The following SUGCT variants were observed in gnomAD, a reference collection of about 807,000 sequenced individuals.
SUGCT encodes succinyl-CoA:glutarate CoA-transferase.
In SUGCT, 41 loss-of-function variants were observed where a neutral mutation model predicts 55.0. The observed-to-expected ratio is 0.74, with a 90% CI of 0.58 to 0.97. The LOEUF (loss-of-function observed/expected upper bound fraction) is 0.97. Ranked by LOEUF, SUGCT falls within the 50% of genes least tolerant of loss-of-function variation. The pLI is 0.00. For synonymous variants in SUGCT, 187 were observed against 200.4 expected (o/e 0.93, Z 0.56); for missense variants, 568 against 547.8 (o/e 1.04, Z -0.37).
At chr7:40,390,696 T>C (rs1785377652) in intron 9 of SUGCT, among the ~76,000 whole-genome samples, 2 of 152,076 alleles carry the variant, frequency 1.3e-5, no homozygotes, top group Non-Finnish European at 2.9e-5. Context: ...ATCATGAAAA[T>C]GGCGATACTG....
chr7:40,628,265 T>C (rs1165345981), intron 12 of SUGCT, among the ~76,000 whole-genome samples: 1 of 152,208 alleles, frequency 6.6e-6, no homozygotes. Context: ...ACTGCAAATG[T>C]TTTGTTGTTT....
intron 11 of SUGCT, among the ~76,000 whole-genome samples, chr7:40,484,611 T>C (rs1791231841): frequency 6.6e-6 from 1 of 152,204 alleles, no homozygotes. Context: ...AGCCTTCAGA[T>C]CCAGACATTG....
intron 12 of SUGCT, among the ~76,000 whole-genome samples, chr7:40,551,142 G>C (rs1377886731): frequency 6.6e-6 from 1 of 152,098 alleles, no homozygotes; most frequent in Admixed American, 6.5e-5. Flanking sequence ...GTTCTCCTAG[G>C]ACATCCTCCT....
chr7:40,899,644 G>T, the SUGCT span, among the ~76,000 whole-genome samples: 1 of 151,408 alleles, frequency 6.6e-6, no homozygotes, highest in Non-Finnish European at 1.5e-5. Context: ...AAACTTCCAG[G>T]ACTCTTTCCT....
intron 11 of SUGCT, among the ~76,000 whole-genome samples, chr7:40,473,386 GA>G (rs758791945): frequency 3.3e-5 from 5 of 152,144 alleles, no homozygotes; most frequent in Non-Finnish European, 7.4e-5. Flanking sequence ...AGTTGGATGT[GA>G]TATTTGATTG....
At chr7:40,913,535 G>T in the SUGCT span, among the ~76,000 whole-genome samples, 24,301 of 152,096 alleles carry the variant, frequency 0.16, 2,342 homozygotes, top group African/African-American at 0.28. Context: ...AAATTCCAGA[G>T]CATGTACTAC....
At chr7:40,471,928 G>A (rs1328012891) in intron 11 of SUGCT, among the ~76,000 whole-genome samples, 6 of 152,056 alleles carry the variant, frequency 3.9e-5, no homozygotes, top group East Asian at 1.9e-4. Flanking sequence ...AACTGAAAAC[G>A]TAAGGTCAAA....
rs1377099230 is a variant in SUGCT at position 40,377,136 on chromosome 7, TTCTTTC to T, written c.816+60283_816+60288del. ...GGAAATTTTCAGCCTTCCTCTTTCT[TTCTTTC>T]TTTCTTTCTTTCTTTCTTTCTTTCT... On this transcript the variant is annotated intron_variant, in intron 9 of 13. Coordinates refer to ENST00000335693, the MANE Select transcript of SUGCT (RefSeq NM_001193313.2). Among the ~76,000 whole-genome samples, 49 of 10,982 alleles carry T rather than the reference TTCTTTC, an allele frequency of 4.5e-3. 18 individuals are homozygous for T. Among genetic ancestry groups the T allele is most frequent in the African/African-American group, 8.9e-3 (49 of 5,516 alleles). 7.2% of individuals were successfully genotyped at this position (10,982 alleles called of 152,430 possible). A position where few individuals can be genotyped will look rare whatever the true frequency, so the allele number is the denominator to read the frequency against.
chr7:41,033,336 C>T, the SUGCT span, among the ~76,000 whole-genome samples: 8 of 152,160 alleles, frequency 5.3e-5, no homozygotes, highest in Non-Finnish European at 1.2e-4. Context: ...CACCCTAGTT[C>T]TCTTTTTTGT....
At chr7:40,867,782 T>G in the SUGCT span, among the ~76,000 whole-genome samples, 5 of 152,328 alleles carry the variant, frequency 3.3e-5, no homozygotes, top group South Asian at 4.1e-4. Flanking sequence ...CAATTAGAAG[T>G]GTTCGCTGCA....
chr7:40,908,583 A>T, the SUGCT span, among the ~76,000 whole-genome samples: 6 of 152,174 alleles, frequency 3.9e-5, no homozygotes, highest in African/African-American at 1.2e-4. Context: ...CAAATATATC[A>T]TAAGCTTTAA....
intron 9 of SUGCT, among the ~76,000 whole-genome samples, chr7:40,428,291 C>T (rs192367614): frequency 3.3e-4 from 50 of 152,194 alleles, no homozygotes; most frequent in East Asian, 2.7e-3. Flanking sequence ...CTGTTGTAGA[C>T]GGCATATAGT....
the SUGCT span, among the ~76,000 whole-genome samples, chr7:40,984,275 A>T: frequency 1.3e-5 from 2 of 152,168 alleles, no homozygotes; most frequent in Non-Finnish European, 2.9e-5. Context: ...TAATAATAAT[A>T]TCTATCAATT....
chr7:41,036,018 C>T, the SUGCT span, among the ~76,000 whole-genome samples: 1 of 152,198 alleles, frequency 6.6e-6, no homozygotes, highest in Non-Finnish European at 1.5e-5. Flanking sequence ...GACAGATGAG[C>T]GTCTTTGTTC....
intron 12 of SUGCT, among the ~76,000 whole-genome samples, chr7:40,588,229 C>CTT (rs113301834): frequency 4.2e-5 from 6 of 143,214 alleles, no homozygotes; most frequent in African/African-American, 1.5e-4. Context: ...AGAAAATTCT[C>CTT]TTTTTTTTTT....
At chr7:40,251,264 A>G (rs1790381813) in intron 7 of SUGCT, among the ~76,000 whole-genome samples, 1 of 152,136 alleles carries the variant, frequency 6.6e-6, no homozygotes, top group Non-Finnish European at 1.5e-5. Flanking sequence ...CTAATTAACT[A>G]CTTGTACTTA....
chr7:40,774,444 C>A (rs1789346070), intron 13 of SUGCT, among the ~76,000 whole-genome samples: 1 of 152,114 alleles, frequency 6.6e-6, no homozygotes, highest in South Asian at 2.1e-4. Flanking sequence ...ATTAATTAAT[C>A]TTGAAAAGTT....
intron 12 of SUGCT, among the ~76,000 whole-genome samples, chr7:40,619,131 G>C (rs530392740): frequency 2.6e-5 from 4 of 152,262 alleles, no homozygotes; most frequent in African/African-American, 9.6e-5. Flanking sequence ...TCAGAGATGA[G>C]ATTCTATTAT....
intron 9 of SUGCT, among the ~76,000 whole-genome samples, chr7:40,409,606 G>A (rs923843507): frequency 2.6e-5 from 4 of 151,764 alleles, no homozygotes; most frequent in African/African-American, 9.7e-5. Context: ...TCATTGTTTT[G>A]GCTTTATAGC....
Sources: gnomAD v4.1 joint callset for allele counts (sites outside exome capture counted in the v4.1 genomes callset) on GRCh38, gnomAD v4.1.1 for gene constraint, MANE v1.5 for transcripts, NCBI Gene and HGNC (gene_info 2026-07-23, HGNC 2026-07-21) for gene names.